LRP5: variants seen among roughly 807,000 people sequenced by gnomAD.
LRP5 encodes low-density lipoprotein receptor-related protein 5.
Under a neutral mutation model 154.1 loss-of-function variants are expected in LRP5, and 62 were observed. The ratio of observed to expected loss-of-function variants is 0.40; its 90% confidence interval spans 0.33 to 0.50. The LOEUF (loss-of-function observed/expected upper bound fraction) is 0.50. Ranked by LOEUF, LRP5 falls within the 20% of genes least tolerant of loss-of-function variation. The pLI, the probability that LRP5 is intolerant of heterozygous loss-of-function variation, is 0.55. For synonymous variants in LRP5, 966 were observed against 1,011.5 expected (o/e 0.96, Z 0.85); for missense variants, 1,915 against 2,336.7 (o/e 0.82, Z 3.72).
intron 5 of LRP5, among the ~76,000 whole-genome samples, chr11:68,368,662 C>T (rs1043931461): frequency 1.3e-5 from 2 of 152,138 alleles, no homozygotes; most frequent in Admixed American, 1.3e-4. Flanking sequence ...TCTGTCTCCA[C>T]ATTTTATCTT....
chr11:68,316,682 C>T (rs2153112200), intron 1 of LRP5, among the ~76,000 whole-genome samples: 1 of 152,338 alleles, frequency 6.6e-6, no homozygotes, highest in African/African-American at 2.4e-5. Context: ...CATCTCCCAG[C>T]CGGCACGAGC....
intron 7 of LRP5, among the ~76,000 whole-genome samples, chr11:68,393,465 C>G (rs1463968879): frequency 6.6e-6 from 1 of 152,242 alleles, no homozygotes; most frequent in Admixed American, 6.5e-5. Context: ...TTTACCTCCT[C>G]ACAAACGCTT....
chr11:68,373,390 G>A (rs539387859), intron 5 of LRP5, among the ~76,000 whole-genome samples: 4 of 89,754 alleles, frequency 4.5e-5, no homozygotes, highest in Non-Finnish European at 9.1e-5. Flanking sequence ...CGTTGGTGGC[G>A]GGGGGGGCCC....
At chr11:68,406,271 T>C (rs1439525004) in intron 8 of LRP5, among the ~76,000 whole-genome samples, 3 of 152,200 alleles carry the variant, frequency 2.0e-5, no homozygotes, top group Non-Finnish European at 4.4e-5. Context: ...CCCTGTTTGA[T>C]GTGTGGCGGG....
In LRP5 at chr11:68,447,830, T is replaced by A. The variant is rs1299872861; in HGVS notation, c.4587-979T>A. Among the ~76,000 whole-genome samples, 1 of 152,082 alleles carries A rather than the reference T, an allele frequency of 6.6e-6. No homozygotes were observed. The highest frequency in any genetic ancestry group is 1.5e-5 in the Non-Finnish European group (1 of 67,998). Reference sequence around the variant, plus strand: ...CAGTTCCGAGTCTGAACTCACACAGTGGGATGCGGCGTTTCTGGGCCACAG... The same window carrying A: ...CAGTTCCGAGTCTGAACTCACACAGAGGGATGCGGCGTTTCTGGGCCACAG... On this transcript the variant is annotated intron_variant, in intron 22 of 22. Transcript: ENST00000294304. The surrounding 1 kb of genome is among the most constrained non-coding windows in gnomAD (Gnocchi z 4.3).
intron 7 of LRP5, among the ~76,000 whole-genome samples, chr11:68,392,699 T>C (rs960466079): frequency 6.6e-6 from 1 of 152,028 alleles, no homozygotes; most frequent in Non-Finnish European, 1.5e-5. Context: ...CTAATCTACT[T>C]TCTGTCTCTG....
the LRP5 span, among the ~76,000 whole-genome samples, chr11:68,304,243 C>T: frequency 1.3e-5 from 2 of 152,262 alleles, no homozygotes; most frequent in Admixed American, 6.5e-5. Context: ...TGTTCCAGCT[C>T]CAGCCTTGGC....
intron 1 of LRP5, among the ~76,000 whole-genome samples, chr11:68,319,305 T>G (rs2153113505): frequency 6.6e-6 from 1 of 152,130 alleles, no homozygotes; most frequent in South Asian, 2.1e-4. Flanking sequence ...TGACCTCAAG[T>G]GATCTGCCTG....
At chr11:68,300,975 G>T in the LRP5 span, among the ~76,000 whole-genome samples, 1 of 147,202 alleles carries the variant, frequency 6.8e-6, no homozygotes, top group Non-Finnish European at 1.5e-5. Flanking sequence ...TTTTGCCCAG[G>T]CTGGAGTGCA....
chr11:68,385,165 C>T (rs1301936283), intron 5 of LRP5, among the ~76,000 whole-genome samples: 1 of 152,342 alleles, frequency 6.6e-6, no homozygotes, highest in South Asian at 2.1e-4. Context: ...ACCTGAGCAT[C>T]CTCCTGTCCC....
At chr11:68,383,136 C>T (rs2098641190) in intron 5 of LRP5, among the ~76,000 whole-genome samples, 1 of 152,152 alleles carries the variant, frequency 6.6e-6, no homozygotes, top group Non-Finnish European at 1.5e-5. Flanking sequence ...CCTCGGCCTC[C>T]CAAAGTGCTG....
At chr11:68,418,216 C>G (rs192539586) in intron 13 of LRP5, among the ~76,000 whole-genome samples, 111 of 152,050 alleles carry the variant, frequency 7.3e-4, no homozygotes, top group Non-Finnish European at 1.4e-3. Context: ...ACCAGCCTGG[C>G]CAACATGGTG....
rs187031303 is a variant in LRP5 at position 68,315,691 on chromosome 11, C to T, written c.91+2886C>T. Among the ~76,000 whole-genome samples the T allele has an allele frequency of 3.1e-3, 471 of 152,370 alleles. 2 individuals carry two copies. Among genetic ancestry groups the T allele is most frequent in the African/African-American group, 0.01 (436 of 41,594 alleles). On this transcript the variant is annotated intron_variant, in intron 1 of 22. Coordinates refer to ENST00000294304, the MANE Select transcript of LRP5 (RefSeq NM_002335.4). ...AATGGCAGATAAGGCCCCGCCCCTGCGGGCAGAGCTTCCCATGTAGAGGGG... is the reference window on the plus strand; with the variant it reads ...AATGGCAGATAAGGCCCCGCCCCTGTGGGCAGAGCTTCCCATGTAGAGGGG...
intron 1 of LRP5, among the ~76,000 whole-genome samples, chr11:68,317,589 A>AG (rs1457883620): frequency 6.6e-6 from 1 of 152,022 alleles, no homozygotes; most frequent in African/African-American, 2.4e-5. Context: ...TGTGTCCCTA[A>AG]GCCATGCAGA....
chr11:68,365,550 A>T, intron 4 of LRP5, 21 bp from the exon 5 acceptor site: 1 of 1,613,274 alleles, frequency 6.2e-7, no homozygotes, highest in Non-Finnish European at 8.5e-7. Flanking sequence ...ACCTTCTCTC[A>T]CTCTGTCCTG....
chr11:68,313,661 G>T (rs1212279955), intron 1 of LRP5, among the ~76,000 whole-genome samples: 1 of 152,270 alleles, frequency 6.6e-6, no homozygotes, highest in Non-Finnish European at 1.5e-5. Flanking sequence ...TTTCAAGCAA[G>T]CCTCTTGCTA....
chr11:68,437,943 G>A (rs1166799565), intron 19 of LRP5, among the ~76,000 whole-genome samples: 3 of 152,238 alleles, frequency 2.0e-5, no homozygotes, highest in Non-Finnish European at 4.4e-5. Context: ...CCCTGTGGGA[G>A]AGTGAATGTG....
rs1243398373 is a variant in LRP5 at position 68,386,251 on chromosome 11, C to G, written c.1016-65C>G. 6.3e-7 allele frequency: 1 copy of G among 1,596,238 alleles called. No individual in the cohort carries two copies. Among genetic ancestry groups the G allele is most frequent in the Non-Finnish European group, 8.5e-7 (1 of 1,174,774 alleles). ...GAGTATTTCCCTTGCCCGGCCCACC[C>G]CAGGCCTAGACTTGTGCCTGCTGCA... On this transcript the variant is annotated intron_variant, in intron 5 of 22. Transcript: ENST00000294304. The surrounding 1 kb of genome is among the most constrained non-coding windows in gnomAD (Gnocchi z 7.9).
Position 68,337,146 on chromosome 11 carries a change from G to A in LRP5, c.92-10701G>A, listed in dbSNP as rs909304476. On this transcript the variant is annotated intron_variant, in intron 1 of 22. Coordinates refer to ENST00000294304, the MANE Select transcript of LRP5 (RefSeq NM_002335.4). Reference sequence around the variant, plus strand: ...CAGCCCAGGTGTTTCTGAAGGAGACGAATCGGGAGGGACTCGCTCCGCCAG... The same window carrying A: ...CAGCCCAGGTGTTTCTGAAGGAGACAAATCGGGAGGGACTCGCTCCGCCAG... Among the ~76,000 whole-genome samples, 6 of 152,340 alleles carry A rather than the reference G, an allele frequency of 3.9e-5. No individual in the cohort carries two copies. In the South Asian group the frequency reaches 6.2e-4, roughly 16 times the overall value.
Sources: allele counts gnomAD v4.1 joint callset (sites outside exome capture counted in the v4.1 genomes callset), GRCh38; gene constraint gnomAD v4.1.1; non-coding constraint Gnocchi (gnomAD v3.1); transcripts MANE v1.5; gene names NCBI Gene and HGNC (gene_info 2026-07-23, HGNC 2026-07-21).